The following DIS3L2 variants were observed in gnomAD, a reference collection of about 807,000 sequenced individuals.
The protein encoded by DIS3L2 is DIS3 like 3'-5' exoribonuclease 2, also known as DIS3-like exonuclease 2.
In DIS3L2, 34 loss-of-function variants were observed where a neutral mutation model predicts 97.5. The ratio of observed to expected loss-of-function variants is 0.35; its 90% CI spans 0.27 to 0.46. The LOEUF (loss-of-function observed/expected upper bound fraction) is 0.46, where lower values mean the gene tolerates loss of function less well. Among genes scored for constraint, DIS3L2 ranks in the 20% least tolerant of loss-of-function variants. DIS3L2 has a pLI of 1.00. For synonymous variants in DIS3L2, 435 were observed against 445.2 expected (o/e 0.98, Z 0.29); for missense variants, 1,038 against 1,146.0 (o/e 0.91, Z 1.36).
chr2:232,010,272 C>A (rs1694160963), intron 1 of DIS3L2, among the ~76,000 whole-genome samples: 1 of 152,060 alleles, frequency 6.6e-6, no homozygotes, highest in African/African-American at 2.4e-5. Context: ...CTGCCCCCTC[C>A]CTTTCTCTCT....
intron 10 of DIS3L2, among the ~76,000 whole-genome samples, chr2:232,217,246 C>T (rs1056094318): frequency 3.9e-5 from 6 of 152,090 alleles, no homozygotes; most frequent in Admixed American, 1.3e-4. Context: ...AGTAGAAAGC[C>T]GAATGCTGCT....
chr2:232,051,490 A>G (rs553604857), intron 5 of DIS3L2, among the ~76,000 whole-genome samples: 11 of 152,190 alleles, frequency 7.2e-5, no homozygotes, highest in Non-Finnish European at 1.5e-4. Context: ...AAATTTAGTG[A>G]TCTTACAAAG....
chr2:231,969,472 G>A (rs1480276575), intron 1 of DIS3L2, among the ~76,000 whole-genome samples: 3 of 151,828 alleles, frequency 2.0e-5, no homozygotes, highest in African/African-American at 2.4e-5. Flanking sequence ...CACCACGCCC[G>A]GCTAATTTTT....
intron 9 of DIS3L2, among the ~76,000 whole-genome samples, chr2:232,184,083 T>A (rs1353760259): frequency 6.6e-6 from 1 of 152,210 alleles, no homozygotes; most frequent in African/African-American, 2.4e-5. Flanking sequence ...TAGCCATTTT[T>A]CTTGAGTAAT....
In DIS3L2 at chr2:232,123,309, A is replaced by G. The variant is rs574517011; in HGVS notation, c.602-7310A>G. The stretch of plus-strand genomic sequence containing the variant: ...GATATTAACAAGCAATGGGTTTCTG[A>G]AAGAAAAAAAAACCCTAAGATAATA... On this transcript the variant is annotated intron_variant, in intron 6 of 20. Transcript: ENST00000325385. 5.5e-4 allele frequency among the ~76,000 whole-genome samples: 84 copies of G among 152,194 alleles called. 3 individuals are homozygous for G. The South Asian group carries it at 0.017, about 30-fold the overall frequency.
chr2:232,329,785 T>TGCCGGGGGGCCGCCC, intron 14 of DIS3L2, 28 bp from the exon 15 acceptor site: 1 of 967,144 alleles, frequency 1.0e-6, no homozygotes. Flanking sequence ...ACCCCAGCGG[T>TGCCGGGGGGCCGCCC]CCCTCCCATC....
intron 5 of DIS3L2, among the ~76,000 whole-genome samples, chr2:232,066,123 CT>C (rs1397136542): frequency 3.3e-5 from 5 of 151,868 alleles, no homozygotes; most frequent in Admixed American, 3.3e-4. Context: ...GTTTTCTGTT[CT>C]AATCTATATG....
chr2:232,324,431 C>T (rs1409693652), intron 14 of DIS3L2, among the ~76,000 whole-genome samples: 3 of 152,128 alleles, frequency 2.0e-5, no homozygotes, highest in Non-Finnish European at 4.4e-5. Context: ...GCAGAAGAGG[C>T]TGTTTCTGTC....
At chr2:232,339,386 G>A (rs535284454), downstream of DIS3L2, among the ~76,000 whole-genome samples, 1 of 152,210 alleles carries the variant, frequency 6.6e-6, no homozygotes, top group Admixed American at 6.5e-5. Context: ...GGAAGTGGGA[G>A]GCCAGGCAGG....
rs199537907 is a variant in DIS3L2 at position 232,333,954 on chromosome 2, G to A, written c.2125G>A (p.Val709Ile). 59 of 1,612,534 alleles carry A rather than the reference G, an allele frequency of 3.7e-5. No homozygotes were observed. The highest frequency in any genetic ancestry group is 1.7e-4 in the African/African-American group (13 of 74,906). The change falls in exon 17 of 21, where the codon GTC (valine) becomes ATC (isoleucine). Residue 709 changes from valine to isoleucine, a missense_variant. Physicochemically the swap from Val to Ile is conservative, Grantham distance 29. This residue lies in a region of DIS3L2 where 221 missense variants were observed against 246.9 expected (regional missense o/e 0.90). Coordinates refer to ENST00000325385, the MANE Select transcript of DIS3L2 (RefSeq NM_152383.5). ...FTSPIRRFAD[V>I]LVHRLLAAAL... ...CTCGCCCATCCGCCGCTTTGCCGAC[G>A]TCCTGGTGCACCGCCTCCTGGCTGC...
intron 11 of DIS3L2, among the ~76,000 whole-genome samples, chr2:232,246,096 AC>A (rs1165583943): frequency 6.6e-6 from 1 of 152,192 alleles, no homozygotes; most frequent in Non-Finnish European, 1.5e-5. Flanking sequence ...CACTCAAGGC[AC>A]CTGAAGAAGC....
intron 6 of DIS3L2, among the ~76,000 whole-genome samples, chr2:232,088,503 G>C (rs1312332094): frequency 6.6e-6 from 1 of 151,444 alleles, no homozygotes; most frequent in African/African-American, 2.4e-5. Context: ...TGGAGCTTGC[G>C]GTGAGCCTAG....
chr2:232,066,283 C>T (rs998682446), intron 5 of DIS3L2, among the ~76,000 whole-genome samples: 15 of 151,898 alleles, frequency 9.9e-5, no homozygotes, highest in Non-Finnish European at 1.8e-4. Context: ...CATAGATGCC[C>T]TTTATCAAGC....
intron 9 of DIS3L2, among the ~76,000 whole-genome samples, chr2:232,172,938 A>C (rs1691034935): frequency 6.6e-6 from 1 of 151,588 alleles, no homozygotes; most frequent in Non-Finnish European, 1.5e-5. Context: ...AAATCTACTC[A>C]GATAGTATCT....
intron 9 of DIS3L2, among the ~76,000 whole-genome samples, chr2:232,186,202 A>G (rs1197839682): frequency 3.3e-5 from 5 of 152,228 alleles, no homozygotes; most frequent in African/African-American, 7.2e-5. Context: ...AACGGAAGAC[A>G]CACATCACAT....
In DIS3L2 at chr2:232,333,121, T is replaced by A. The variant is rs1225748257; in HGVS notation, c.2011-719T>A. On this transcript the variant is annotated intron_variant, in intron 16 of 20. Transcript: ENST00000325385. ...CTCTTCCTCCTCCTCATTGTCCTCCTCGACCACCACCACCTCCTCCTTCCA... is the reference window on the plus strand; with the variant it reads ...CTCTTCCTCCTCCTCATTGTCCTCCACGACCACCACCACCTCCTCCTTCCA... Among the ~76,000 whole-genome samples the A allele has an allele frequency of 6.6e-5, 10 of 150,520 alleles. 1 individual carries two copies. Among genetic ancestry groups the A allele is most frequent in the African/African-American group, 2.5e-4 (10 of 40,654 alleles).
intron 14 of DIS3L2, 175 bp from the exon 15 acceptor site, chr2:232,329,638 T>G: frequency 1.7e-6 from 1 of 589,838 alleles, no homozygotes; most frequent in Non-Finnish European, 2.8e-6. Context: ...ACCATGGGGG[T>G]GCTGGGCAAG....
chr2:232,070,950 C>G (rs1173681691), intron 5 of DIS3L2, among the ~76,000 whole-genome samples: 2 of 152,116 alleles, frequency 1.3e-5, no homozygotes, highest in East Asian at 3.9e-4. Flanking sequence ...TTACAGAACA[C>G]TTCTAATTCT....
At chr2:232,339,441 G>T (rs925083725), downstream of DIS3L2, among the ~76,000 whole-genome samples, 1 of 152,216 alleles carries the variant, frequency 6.6e-6, no homozygotes, top group Non-Finnish European at 1.5e-5. Context: ...GCTGAGAGGG[G>T]ACAGTGCAGA....
Sources: gnomAD v4.1 joint callset for allele counts (sites outside exome capture counted in the v4.1 genomes callset) on GRCh38, gnomAD v4.1.1 for gene constraint, gnomAD v4.1.1 regional missense constraint, MANE v1.5 for transcripts, NCBI Gene and HGNC (gene_info 2026-07-23, HGNC 2026-07-21) for gene names.